Variants in NAALADL2 observed in about 807,000 individuals in gnomAD.
NAALADL2 encodes inactive N-acetylated-alpha-linked acidic dipeptidase-like protein 2.
NAALADL2 carries 76 observed loss-of-function variants against 87.2 expected under a neutral mutation model. The observed-to-expected ratio is 0.87, with a 90% CI of 0.72 to 1.05. The LOEUF (loss-of-function observed/expected upper bound fraction) is 1.05, where lower values mean the gene tolerates loss of function less well. Among genes scored for constraint, NAALADL2 ranks in the 50% least tolerant of loss-of-function variants. The probability of loss-of-function intolerance (pLI) is 0.00; values close to 1 mark genes in which losing one functional copy is unlikely to be tolerated. For missense variants in NAALADL2, 1,089 were observed against 945.8 expected (o/e 1.15, Z -1.99); for synonymous variants, 354 against 331.0 (o/e 1.07, Z -0.75).
chr3:174,682,612 A>T (rs1020556348), intron 2 of NAALADL2, among the ~76,000 whole-genome samples: 2 of 152,324 alleles, frequency 1.3e-5, no homozygotes, highest in South Asian at 2.1e-4. Context: ...CTGGTAATCC[A>T]GGGAATTCTT....
chr3:175,007,112 C>CA (rs1749135941), intron 1 of NAALADL2, among the ~76,000 whole-genome samples: 1 of 145,552 alleles, frequency 6.9e-6, no homozygotes, highest in Non-Finnish European at 1.5e-5. Flanking sequence ...TTCCCTTTCC[C>CA]AAGCCTTGCA....
intron 1 of NAALADL2, among the ~76,000 whole-genome samples, chr3:174,927,770 T>C (rs951918574): frequency 6.6e-6 from 1 of 152,100 alleles, no homozygotes; most frequent in African/African-American, 2.4e-5. Context: ...AGATCTAAAA[T>C]TGACACCCTA....
chr3:174,469,184 G>A (rs777328377), intron 1 of NAALADL2, among the ~76,000 whole-genome samples: 7 of 152,070 alleles, frequency 4.6e-5, no homozygotes, highest in Non-Finnish European at 4.4e-5. Flanking sequence ...TTATAATACT[G>A]CTTGATCATA....
At chr3:174,687,668 A>G (rs910729307) in intron 2 of NAALADL2, among the ~76,000 whole-genome samples, 7 of 152,074 alleles carry the variant, frequency 4.6e-5, no homozygotes, top group African/African-American at 1.4e-4. Flanking sequence ...TTTCTAATAC[A>G]ATTTCTTTAA....
intron 1 of NAALADL2, among the ~76,000 whole-genome samples, chr3:174,970,550 A>G (rs1469673964): frequency 6.6e-6 from 1 of 152,238 alleles, no homozygotes; most frequent in African/African-American, 2.4e-5. Context: ...TAGTTGTGCT[A>G]TCCTCTATTC....
At chr3:174,644,599 T>G (rs1723592414) in intron 2 of NAALADL2, among the ~76,000 whole-genome samples, 3 of 151,978 alleles carry the variant, frequency 2.0e-5, no homozygotes, top group Non-Finnish European at 2.9e-5. Flanking sequence ...TGTTCAAGAG[T>G]CAACTGTAGC....
chr3:174,794,449 A>C (rs878875687), intron 3 of NAALADL2, among the ~76,000 whole-genome samples: 1 of 151,828 alleles, frequency 6.6e-6, no homozygotes, highest in African/African-American at 2.4e-5. Context: ...GAGGACAGAA[A>C]AAAATTAAGA....
chr3:175,271,514 C>T (rs547835325), intron 4 of NAALADL2, among the ~76,000 whole-genome samples: 7 of 152,168 alleles, frequency 4.6e-5, no homozygotes, highest in African/African-American at 9.6e-5. Flanking sequence ...GCACTTAGGC[C>T]GGTGTGGTGG....
At chr3:175,235,997 C>T (rs1745775255) in intron 3 of NAALADL2, among the ~76,000 whole-genome samples, 1 of 152,144 alleles carries the variant, frequency 6.6e-6, no homozygotes, top group Admixed American at 6.5e-5. Context: ...TGCCCGTGCA[C>T]TTTCATATTG....
chr3:175,190,976 C>T (rs906283445), intron 2 of NAALADL2, among the ~76,000 whole-genome samples: 2 of 110,714 alleles, frequency 1.8e-5, no homozygotes, highest in East Asian at 2.6e-4. Flanking sequence ...AGGGAGACTC[C>T]GTCTCAAAAA....
At chr3:175,702,926 A>AC (rs1213308069) in intron 11 of NAALADL2, among the ~76,000 whole-genome samples, 2 of 152,092 alleles carry the variant, frequency 1.3e-5, no homozygotes, top group African/African-American at 2.4e-5. Flanking sequence ...GAAAAAAAAA[A>AC]GGAGAGTAGA....
At chr3:175,579,070 T>G (rs1024906566) in intron 10 of NAALADL2, among the ~76,000 whole-genome samples, 3 of 152,228 alleles carry the variant, frequency 2.0e-5, no homozygotes, top group Non-Finnish European at 2.9e-5. Context: ...GTGAATAATT[T>G]TATAGCTGCT....
At chr3:175,200,848 G>A (rs988749472) in intron 2 of NAALADL2, among the ~76,000 whole-genome samples, 2 of 151,974 alleles carry the variant, frequency 1.3e-5, no homozygotes, top group African/African-American at 2.4e-5. Context: ...GCCTATAAAC[G>A]GCCAAATTTA....
chr3:174,727,052 TAAAAG>T (rs747712558), intron 2 of NAALADL2, among the ~76,000 whole-genome samples: 435 of 152,224 alleles, frequency 2.9e-3, no homozygotes, highest in Non-Finnish European at 5.2e-3. Flanking sequence ...AATCAGGAAA[TAAAAG>T]AAAGGTCATT....
chr3:174,637,277 A>G (rs1204868843), intron 2 of NAALADL2, among the ~76,000 whole-genome samples: 1 of 152,066 alleles, frequency 6.6e-6, no homozygotes, highest in African/African-American at 2.4e-5. Context: ...TAAGGTAACT[A>G]TAGGTAACAA....
In NAALADL2 at chr3:175,803,518, A is replaced by C. The variant is rs1391364895; in HGVS notation, c.*315A>C. Reference sequence around the variant, plus strand: ...AAAAATTTCCAAGAAGTTCTGGACTATCTTTGTTCCTATGGGGAGGGCATA... The same window carrying C: ...AAAAATTTCCAAGAAGTTCTGGACTCTCTTTGTTCCTATGGGGAGGGCATA... On this transcript the variant is annotated 3_prime_UTR_variant, in exon 14 of 14. Transcript: ENST00000454872. 1 of 183,608 alleles carries C rather than the reference A, an allele frequency of 5.4e-6. No individual in the cohort carries two copies. Among genetic ancestry groups the C allele is most frequent in the Non-Finnish European group, 1.1e-5 (1 of 87,788 alleles). 11.4% of individuals were successfully genotyped at this position (183,608 alleles called of 1,614,324 possible). A position where few individuals can be genotyped will look rare whatever the true frequency, so the allele number is the denominator to read the frequency against.
At chr3:174,832,706 T>C (rs1029943948) in intron 3 of NAALADL2, among the ~76,000 whole-genome samples, 3 of 152,122 alleles carry the variant, frequency 2.0e-5, no homozygotes, top group Non-Finnish European at 2.9e-5. Flanking sequence ...GACGTCGTGA[T>C]CCGCCCGCCT....
chr3:174,946,795 T>C (rs1343291368), intron 1 of NAALADL2, among the ~76,000 whole-genome samples: 2 of 152,164 alleles, frequency 1.3e-5, no homozygotes, highest in Non-Finnish European at 2.9e-5. Flanking sequence ...CTGACAGTTC[T>C]AACGTGTTTA....
At chr3:174,627,184 A>C (rs1302597998) in intron 2 of NAALADL2, among the ~76,000 whole-genome samples, 1 of 152,162 alleles carries the variant, frequency 6.6e-6, no homozygotes, top group Non-Finnish European at 1.5e-5. Context: ...GCAGTGAATA[A>C]ATTATTTCAA....
Sources: allele counts gnomAD v4.1 joint callset (sites outside exome capture counted in the v4.1 genomes callset), GRCh38; gene constraint gnomAD v4.1.1; transcripts MANE v1.5; gene names NCBI Gene and HGNC (gene_info 2026-07-23, HGNC 2026-07-21).